Variants in WDR33 observed in about 807,000 individuals in gnomAD.
WDR33 encodes WD repeat domain 33.
A neutral mutation model predicts 164.9 loss-of-function variants in WDR33; 47 were observed. The observed-to-expected ratio is 0.29, with a 90% CI of 0.23 to 0.36. The LOEUF (loss-of-function observed/expected upper bound fraction) is 0.36, where lower values mean the gene tolerates loss of function less well. Ranked by LOEUF, WDR33 falls within the 10% of genes least tolerant of loss-of-function variation. The pLI, the probability that WDR33 is intolerant of heterozygous loss-of-function variation, is 1.00. For missense variants in WDR33, 1,137 were observed against 1,754.1 expected (o/e 0.65, Z 6.28); for synonymous variants, 505 against 589.0 (o/e 0.86, Z 2.06).
At chr2:127,791,168 C>T (rs943347472) in intron 1 of WDR33, among the ~76,000 whole-genome samples, 19 of 106,430 alleles carry the variant, frequency 1.8e-4, no homozygotes, top group East Asian at 1.1e-3. Context: ...CACCCCACCC[C>T]CCCCCCCAGC....
rs76652747 is a variant in WDR33 at position 127,712,414 on chromosome 2, A to G, written c.3308+1169T>C. 6.6e-6 allele frequency among the ~76,000 whole-genome samples: 1 copy of G among 152,044 alleles called. No individual in the cohort carries two copies. The highest frequency in any genetic ancestry group is 2.4e-5 in the African/African-American group (1 of 41,432). ...CGTCTCAAGAAGAAAAAAAAAAAAA[A>G]AGAAATGGGATGAAAGGACACGGAA... On this transcript the variant is annotated intron_variant, in intron 18 of 21. Transcript: ENST00000322313. The surrounding 1 kb of genome is among the most constrained non-coding windows in gnomAD (Gnocchi z 4.0).
In WDR33 at chr2:127,738,065, A is replaced by G; in HGVS notation, c.725-11288T>C. On this transcript the variant is annotated intron_variant, in intron 7 of 21. Coordinates refer to ENST00000322313, the MANE Select transcript of WDR33 (RefSeq NM_018383.5). The surrounding 1 kb of genome is among the most constrained non-coding windows in gnomAD (Gnocchi z 4.4). ...GATGAAAACATGTATCTATCAAAAC[A>G]AGAAGGGTGCATGAACTCTTAAATA... 6.2e-7 allele frequency: 1 copy of G among 1,612,610 alleles called. No homozygotes were observed. The highest frequency in any genetic ancestry group is 8.5e-7 in the Non-Finnish European group (1 of 1,179,340).
chr2:127,708,738 G>A lies in WDR33; in HGVS notation c.3720C>T (p.Gly1240=). 2.5e-6 allele frequency: 4 copies of A among 1,613,792 alleles called. No individual in the cohort carries two copies. Among genetic ancestry groups the A allele is most frequent in the Non-Finnish European group, 3.4e-6 (4 of 1,179,818 alleles). ...PRKRPWHDGP[G]TSEHREMEAP... ...CCTCCATCTCTCTGTGCTCAGAAGT[G>A]CCTGGGCCATCATGCCAGGGGCGCT... Residue 1240 remains glycine (G), a synonymous_variant, in exon 21 of 22, where the codon GGC becomes GGT. Coordinates refer to ENST00000322313, the MANE Select transcript of WDR33 (RefSeq NM_018383.5). This position sits in a 1 kb window ranked among gnomAD's most constrained non-coding sequence, Gnocchi z 6.7.
intron 1 of WDR33, among the ~76,000 whole-genome samples, chr2:127,796,394 GAGAT>G (rs199587967): frequency 0.02 from 2,999 of 151,998 alleles, 54 homozygotes; most frequent in Non-Finnish European, 0.034. Flanking sequence ...TCATGTGTGA[GAGAT>G]AGCACTACTG....
rs1314834386 is a variant in WDR33, at chr2:127,717,525, G to A, written c.2761-262C>T. Among the ~76,000 whole-genome samples, 2 of 152,088 alleles carry A rather than the reference G, an allele frequency of 1.3e-5. No homozygotes were observed. Among genetic ancestry groups the A allele is most frequent in the East Asian group, 3.8e-4 (2 of 5,204 alleles). ...GTAATGCCAAAAAAGAACATCAATG[G>A]AAAGTCAGAAATTCTAACACAGCAG... On this transcript the variant is annotated intron_variant, in intron 16 of 21. Transcript: ENST00000322313. The surrounding 1 kb of genome is among the most constrained non-coding windows in gnomAD (Gnocchi z 5.6).
At chr2:127,755,110 C>T (rs1687483213) in intron 7 of WDR33, among the ~76,000 whole-genome samples, 1 of 152,142 alleles carries the variant, frequency 6.6e-6, no homozygotes, top group African/African-American at 2.4e-5. Context: ...CTAACAAACC[C>T]TGGAATTGAG....
chr2:127,756,697 T>A (rs1189734335), intron 7 of WDR33, among the ~76,000 whole-genome samples: 1 of 152,136 alleles, frequency 6.6e-6, no homozygotes, highest in African/African-American at 2.4e-5. Flanking sequence ...AGAATAAAAT[T>A]TATATCTTTA....
rs534327799 is a variant in WDR33 at position 127,759,317 on chromosome 2, T to C, written c.724+3745A>G. Among the ~76,000 whole-genome samples, 24 of 152,348 alleles carry C rather than the reference T, an allele frequency of 1.6e-4. 2 individuals are homozygous for C. In the South Asian group the frequency reaches 4.6e-3, roughly 29 times the overall value. On this transcript the variant is annotated intron_variant, in intron 7 of 21. Transcript: ENST00000322313. ...ACAGATCTATGCTCATTTTACACCT[T>C]AGAAAATACTGAGTATTTTTCTCTT... is the stretch of plus-strand genomic sequence containing the variant.
At position 127,719,846 on chromosome 2, in the gene WDR33, C is replaced by T; in HGVS notation, c.2179G>A (p.Gly727Ser). The T allele has an allele frequency of 6.2e-7, 1 of 1,613,646 alleles. No homozygotes were observed. Among genetic ancestry groups the T allele is most frequent in the East Asian group, 2.2e-5 (1 of 44,876 alleles). The change falls in exon 16 of 22, where the codon GGT (glycine) becomes AGT (serine). Residue 727 changes from glycine to serine, a missense_variant. Gly to Ser is a moderately conservative substitution (Grantham distance 56). Transcript: ENST00000322313. The surrounding 1 kb of genome is among the most constrained non-coding windows in gnomAD (Gnocchi z 6.5). Reference sequence around the variant, plus strand: ...GGAGGCCCCTGTGGGCCCAAGTGACCCTGAGGGCCAGGCGGGCCTTGGGGG... The same window carrying T: ...GGAGGCCCCTGTGGGCCCAAGTGACTCTGAGGGCCAGGCGGGCCTTGGGGG... ...IGPQGPPGPQ[G>S]HLGPQGPPGT...
At chr2:127,798,523 T>TA (rs1231473881) in intron 1 of WDR33, among the ~76,000 whole-genome samples, 1 of 152,132 alleles carries the variant, frequency 6.6e-6, no homozygotes, top group African/African-American at 2.4e-5. Context: ...CTTAAGCTTT[T>TA]ATGAGCCTCT....
chr2:127,769,040 G>T, intron 2 of WDR33, 39 bp from the exon 3 acceptor site: 1 of 612,882 alleles, frequency 1.6e-6, no homozygotes, highest in South Asian at 4.2e-5. Flanking sequence ...TAAATAAATA[G>T]ATCAATTAAT....
rs367755864 is a variant in WDR33, at chr2:127,764,634, G to A, written c.626+194C>T. The A allele has an allele frequency of 6.1e-5, 95 of 1,556,688 alleles. 1 individual carries two copies. The highest frequency in any genetic ancestry group is 3.4e-4 in the East Asian group (14 of 41,002). On this transcript the variant is annotated intron_variant, in intron 6 of 21. Coordinates refer to ENST00000322313, the MANE Select transcript of WDR33 (RefSeq NM_018383.5). This position sits in a 1 kb window ranked among gnomAD's most constrained non-coding sequence, Gnocchi z 6.2. ...CTAACATATTGCAAAGGCTGATACC[G>A]GGACAACACTACTTCAGAAAGGTGC...
chr2:127,765,065 A>T, intron 5 of WDR33, 86 bp from the exon 6 acceptor site: 1 of 1,560,738 alleles, frequency 6.4e-7, no homozygotes, highest in Non-Finnish European at 8.7e-7. Context: ...AACTGACTCG[A>T]GGTAATAATT....
chr2:127,735,860 C>T lies in WDR33; in HGVS notation c.725-9083G>A. On this transcript the variant is annotated intron_variant, in intron 7 of 21. Transcript: ENST00000322313. The surrounding 1 kb of genome is among the most constrained non-coding windows in gnomAD (Gnocchi z 4.3). The stretch of plus-strand genomic sequence containing the variant: ...ACCACAACCCAACAGTCAACATCAA[C>T]TTGGAGTGATTACTATTAGTCATCT... 1.0e-6 allele frequency: 1 copy of T among 985,434 alleles called. No individual in the cohort carries two copies. Among genetic ancestry groups the T allele is most frequent in the Non-Finnish European group, 1.2e-6 (1 of 829,930 alleles). The allele number at this position is 985,434 out of a possible 1,614,324, so 61.0% of individuals were successfully genotyped here.
intron 7 of WDR33, among the ~76,000 whole-genome samples, chr2:127,756,311 G>T (rs1483599529): frequency 6.8e-6 from 1 of 146,034 alleles, no homozygotes; most frequent in Non-Finnish European, 1.5e-5. Context: ...TCCAGCCTGG[G>T]CAACAGAGCA....
chr2:127,787,536 G>A (rs1173605547), intron 1 of WDR33, among the ~76,000 whole-genome samples: 6 of 126,296 alleles, frequency 4.8e-5, no homozygotes, highest in East Asian at 2.4e-4. Context: ...CGGTCGGGGG[G>A]CTGACACCCC....
intron 7 of WDR33, chr2:127,737,948 G>T: frequency 6.3e-7 from 1 of 1,598,222 alleles, no homozygotes; most frequent in Non-Finnish European, 8.5e-7. Flanking sequence ...ATCTTCTTGG[G>T]TATATTCACA....
At chr2:127,748,033 C>G (rs150526609) in intron 7 of WDR33, among the ~76,000 whole-genome samples, 3 of 152,176 alleles carry the variant, frequency 2.0e-5, no homozygotes, top group Admixed American at 2.0e-4. Flanking sequence ...ATACAAAATT[C>G]TCTTTCTTGC....
At chr2:127,808,604 A>T (rs1344065190) in intron 1 of WDR33, among the ~76,000 whole-genome samples, 1 of 152,216 alleles carries the variant, frequency 6.6e-6, no homozygotes, top group African/African-American at 2.4e-5. Flanking sequence ...CCAAAGAAAA[A>T]TCATTTTCAG....
Sources: allele counts gnomAD v4.1 joint callset (sites outside exome capture counted in the v4.1 genomes callset), GRCh38; gene constraint gnomAD v4.1.1; non-coding constraint Gnocchi (gnomAD v3.1); transcripts MANE v1.5; gene names NCBI Gene and HGNC (gene_info 2026-07-23, HGNC 2026-07-21).